Variants in MDGA1 observed in about 807,000 individuals in gnomAD.
The protein encoded by MDGA1 is MAM domain containing glycosylphosphatidylinositol anchor 1.
MDGA1 carries 54 observed loss-of-function variants against 101.5 expected under a neutral mutation model. The ratio of observed to expected loss-of-function variants is 0.53; its 90% confidence interval spans 0.43 to 0.67. The LOEUF is 0.67. Among genes scored for constraint, MDGA1 ranks in the 30% least tolerant of loss-of-function variants. The pLI is 0.00. For missense variants in MDGA1, 1,083 were observed against 1,323.8 expected (o/e 0.82, Z 2.82); for synonymous variants, 533 against 558.3 (o/e 0.95, Z 0.64).
At chr6:37,658,205 G>C in intron 3 of MDGA1, 40 bp downstream of exon 3, 1 of 1,519,466 alleles carries the variant, frequency 6.6e-7, no homozygotes, top group Non-Finnish European at 8.8e-7. Context: ...GGCCCGGGCT[G>C]GGCTGTCAGG....
At chr6:37,679,065 C>T (rs1181424939) in intron 1 of MDGA1, among the ~76,000 whole-genome samples, 1 of 151,968 alleles carries the variant, frequency 6.6e-6, no homozygotes, top group Admixed American at 6.6e-5. Context: ...AAATGCAATA[C>T]CTGCCCTCCT....
chr6:37,642,871 C>T (rs1764123315), intron 14 of MDGA1, among the ~76,000 whole-genome samples: 1 of 152,222 alleles, frequency 6.6e-6, no homozygotes, highest in Admixed American at 6.5e-5. Context: ...CACTACAGCA[C>T]CTGATACCTG....
chr6:37,688,726 G>A (rs1406214747), intron 1 of MDGA1, among the ~76,000 whole-genome samples: 1 of 152,188 alleles, frequency 6.6e-6, no homozygotes, highest in Non-Finnish European at 1.5e-5. Flanking sequence ...TCACCTTCGA[G>A]TTTACAAAGT....
intron 2 of MDGA1, among the ~76,000 whole-genome samples, chr6:37,662,692 T>C (rs896338156): frequency 8.0e-5 from 12 of 150,936 alleles, no homozygotes; most frequent in Non-Finnish European, 5.9e-5. Flanking sequence ...AATGAGAAGA[T>C]GCAAGGTCAA....
rs761359200 is a variant in MDGA1 at position 37,637,347 on chromosome 6, G to C, written c.*21C>G. 2.1e-5 allele frequency: 33 copies of C among 1,593,412 alleles called. No homozygotes were observed. Among genetic ancestry groups the C allele is most frequent in the Admixed American group, 6.7e-5 (4 of 59,778 alleles). ...TTGGTGTGCCGGGGGCAAGGTTGGG[G>C]GGGTGGCCACACAGCTCTCATCATC... is the stretch of plus-strand genomic sequence containing the variant. On this transcript the variant is annotated 3_prime_UTR_variant, in exon 17 of 17. Coordinates refer to ENST00000434837, the MANE Select transcript of MDGA1 (RefSeq NM_153487.4).
At position 37,654,831 on chromosome 6, in the gene MDGA1, C is replaced by G; in HGVS notation, c.681G>C (p.Lys227Asn). 6.2e-7 allele frequency: 1 copy of G among 1,613,794 alleles called. No homozygotes were observed. Among genetic ancestry groups the G allele is most frequent in the South Asian group, 1.1e-5 (1 of 91,078 alleles). The stretch of plus-strand genomic sequence containing the variant: ...TGTTGGTGAGCCGGAAGGTGATGGC[C>G]TTGTCTGGGATGCCGCACACGTTAC... ...SVRNVCGIPD[K>N]AITFRLTNTT... is the part of the protein sequence containing the mutation. The change falls in exon 5 of 17, where the codon AAG becomes AAC. Residue 227 changes from lysine (K) to asparagine (N), a missense_variant. Lys to Asn is a moderately conservative substitution (Grantham distance 94). Coordinates refer to ENST00000434837, the MANE Select transcript of MDGA1 (RefSeq NM_153487.4).
intron 1 of MDGA1, among the ~76,000 whole-genome samples, chr6:37,693,331 A>T (rs906769613): frequency 6.6e-6 from 1 of 152,178 alleles, no homozygotes; most frequent in African/African-American, 2.4e-5. Flanking sequence ...GAGGGAAAAA[A>T]ACCTGACTTA....
At chr6:37,658,479 C>A in intron 2 of MDGA1, 60 bp from the exon 3 acceptor site, 4 of 1,488,874 alleles carry the variant, frequency 2.7e-6, no homozygotes, top group Admixed American at 2.0e-5. Context: ...GGGGCCTCAG[C>A]GCTGAGTGCC....
intron 1 of MDGA1, among the ~76,000 whole-genome samples, chr6:37,681,537 T>C (rs752974789): frequency 1.3e-5 from 2 of 152,214 alleles, no homozygotes; most frequent in Non-Finnish European, 2.9e-5. Context: ...CTACCACACA[T>C]ATACATAGTT....
At chr6:37,694,034 A>T (rs1268580327) in intron 1 of MDGA1, among the ~76,000 whole-genome samples, 1 of 152,196 alleles carries the variant, frequency 6.6e-6, no homozygotes, top group Non-Finnish European at 1.5e-5. Flanking sequence ...GAATGCCGTC[A>T]GGTTCGCTCT....
rs111582218 is a variant in MDGA1 at position 37,646,180 on chromosome 6, G to A, written c.2224+18C>T. 0.015 allele frequency: 23,658 copies of A among 1,563,838 alleles called. 336 individuals carry two copies. The highest frequency in any genetic ancestry group is 0.05 in the South Asian group (4,192 of 83,028). ...ATGAGATGGGCCCATCCTTCCTACC[G>A]CCACCACTGTCACCTACGCTCTGTG... On this transcript the variant is annotated intron_variant, in intron 11 of 16. Transcript: ENST00000434837.
intron 1 of MDGA1, among the ~76,000 whole-genome samples, chr6:37,689,484 T>C (rs878873049): frequency 2.6e-5 from 4 of 152,224 alleles, no homozygotes; most frequent in Admixed American, 2.6e-4. Context: ...TGCCAGGCAC[T>C]GTGCTCAGAG....
Position 37,655,909 on chromosome 6 carries a change from A to G in MDGA1, c.383-13T>C, listed in dbSNP as rs1170525379. 6 of 1,607,048 alleles carry G rather than the reference A, an allele frequency of 3.7e-6. No individual in the cohort carries two copies. Among genetic ancestry groups the G allele is most frequent in the Non-Finnish European group, 5.1e-6 (6 of 1,176,722 alleles). On this transcript the variant is annotated splice_polypyrimidine_tract_variant and intron_variant, in intron 3 of 16. Coordinates refer to ENST00000434837, the MANE Select transcript of MDGA1 (RefSeq NM_153487.4). The surrounding 1 kb of genome is among the most constrained non-coding windows in gnomAD (Gnocchi z 5.1). ...GGCTCATCCAGGTCTGCAAGGGCAC[A>G]GCCCCCATGGAGTCAGGACTGGGTG...
Position 37,643,798 on chromosome 6 carries a change from C to T in MDGA1, c.2536+11G>A. 6.2e-7 allele frequency: 1 copy of T among 1,613,832 alleles called. No individual in the cohort carries two copies. The highest frequency in any genetic ancestry group is 1.7e-5 in the Admixed American group (1 of 60,016). The stretch of plus-strand genomic sequence containing the variant: ...CACACTTGGTGGAGACTACCTGGCC[C>T]CCCAACTCACCGATGTGTTTCCCGT... On this transcript the variant is annotated intron_variant, in intron 14 of 16. Coordinates refer to ENST00000434837, the MANE Select transcript of MDGA1 (RefSeq NM_153487.4).
chr6:37,646,068 G>A (rs760816376), intron 11 of MDGA1, 112 bp from the exon 12 acceptor site: 35 of 1,571,314 alleles, frequency 2.2e-5, no homozygotes, highest in Middle Eastern at 3.3e-4. Context: ...GGGGGCCAGC[G>A]GATCTGGCCT....
intron 1 of MDGA1, among the ~76,000 whole-genome samples, chr6:37,664,928 A>C (rs932761329): frequency 7.6e-5 from 10 of 131,422 alleles, no homozygotes; most frequent in African/African-American, 2.9e-4. Context: ...GCCCTCCCTG[A>C]AGGCCTTCAT....
intron 1 of MDGA1, among the ~76,000 whole-genome samples, chr6:37,673,523 G>T (rs1455504745): frequency 6.6e-6 from 1 of 152,336 alleles, no homozygotes; most frequent in East Asian, 1.9e-4. Flanking sequence ...GCCTCCTTCT[G>T]CCAGGGATGA....
chr6:37,658,219 C>T (rs373910873), intron 3 of MDGA1, 26 bp downstream of exon 3: 6 of 1,542,888 alleles, frequency 3.9e-6, no homozygotes, highest in Non-Finnish European at 4.4e-6. Flanking sequence ...TGTCAGGGCC[C>T]GGGGAGAGAG....
At chr6:37,663,725 GAAC>G (rs1283188297) in intron 2 of MDGA1, among the ~76,000 whole-genome samples, 1 of 152,190 alleles carries the variant, frequency 6.6e-6, no homozygotes, top group African/African-American at 2.4e-5. Context: ...GAGTGGAATT[GAAC>G]AACCGGCATT....
Sources: allele counts gnomAD v4.1 joint callset (sites outside exome capture counted in the v4.1 genomes callset), GRCh38; gene constraint gnomAD v4.1.1; non-coding constraint Gnocchi (gnomAD v3.1); transcripts MANE v1.5; gene names NCBI Gene and HGNC (gene_info 2026-07-23, HGNC 2026-07-21).